The following PAX7 variants were observed in gnomAD, a reference collection of about 807,000 sequenced individuals.
The protein encoded by PAX7 is paired box 7.
PAX7 carries 18 observed loss-of-function variants against 50.7 expected under a neutral mutation model. That is an observed-to-expected ratio of 0.36 (90% CI 0.25 to 0.53). PAX7 has a LOEUF of 0.53. Among genes scored for constraint, PAX7 ranks in the 20% least tolerant of loss-of-function variants. The pLI is 0.93. For missense variants in PAX7, 644 were observed against 702.9 expected (o/e 0.92, Z 0.95); for synonymous variants, 310 against 290.4 (o/e 1.07, Z -0.69).
intron 5 of PAX7, among the ~76,000 whole-genome samples, chr1:18,699,565 T>A (rs528940983): frequency 0.012 from 885 of 73,720 alleles, 6 homozygotes; most frequent in South Asian, 0.038. Flanking sequence ...GCCAGACTGA[T>A]TTTTTTTTTT....
At chr1:18,743,529 A>G (rs1384222641) in intron 8 of PAX7, among the ~76,000 whole-genome samples, 1 of 152,182 alleles carries the variant, frequency 6.6e-6, no homozygotes, top group Non-Finnish European at 1.5e-5. Flanking sequence ...GCAATTCTTA[A>G]CACAGTGTTC....
At chr1:18,640,861 C>A (rs541408869) in intron 4 of PAX7, among the ~76,000 whole-genome samples, 5 of 134,176 alleles carry the variant, frequency 3.7e-5, no homozygotes, top group Non-Finnish European at 6.3e-5. Flanking sequence ...GGGGATGGGG[C>A]GAGCGGAGAG....
At position 18,636,298 on chromosome 1, in the gene PAX7, T is replaced by G. The variant is rs760219379; in HGVS notation, c.513T>G (p.Asp171Glu). The G allele has an allele frequency of 1.2e-6, 2 of 1,614,186 alleles. No individual in the cohort carries two copies. The highest frequency in any genetic ancestry group is 2.2e-5 in the East Asian group (1 of 44,880). The change falls in exon 4 of 9, where the codon GAT becomes GAG. Residue 171 changes from aspartate to glutamate, a missense_variant. Asp to Glu is a conservative substitution (Grantham distance 45). Coordinates refer to ENST00000420770, the MANE Select transcript of PAX7 (RefSeq NM_001135254.2). This position sits in a 1 kb window ranked among gnomAD's most constrained non-coding sequence, Gnocchi z 5.1. The stretch of plus-strand genomic sequence containing the variant: ...AGTTCGGGAAGAAAGAGGAGGAGGA[T>G]GAAGCGGACAAGAAGGAGGACGACG... ...RIKFGKKEEE[D>E]EADKKEDDGE...
At chr1:18,656,715 C>T (rs530569758) in intron 4 of PAX7, among the ~76,000 whole-genome samples, 38 of 151,910 alleles carry the variant, frequency 2.5e-4, no homozygotes, top group Non-Finnish European at 4.1e-4. Context: ...GATAATGAGG[C>T]GAGACGTGGT....
In PAX7 at chr1:18,631,372, C is replaced by T; in HGVS notation, c.-232C>T. On this transcript the variant is annotated 5_prime_UTR_variant, in exon 1 of 9. Coordinates refer to ENST00000420770, the MANE Select transcript of PAX7 (RefSeq NM_001135254.2). ...GTTTGAACTTCCTCGTCGTCGCCAC[C>T]TTCCCTCCCCCCAACCTCCACCCCA... The T allele has an allele frequency of 3.7e-6, 2 of 535,686 alleles. No homozygotes were observed. Among genetic ancestry groups the T allele is most frequent in the South Asian group, 2.5e-5 (1 of 39,598 alleles). The allele number at this position is 535,686 out of a possible 1,614,324, so 33.2% of individuals were successfully genotyped here.
At chr1:18,652,562 C>T (rs931366713) in intron 4 of PAX7, among the ~76,000 whole-genome samples, 2 of 152,164 alleles carry the variant, frequency 1.3e-5, no homozygotes, top group Non-Finnish European at 1.5e-5. Context: ...GATATTTGAC[C>T]TGAAACCTGG....
At chr1:18,703,821 G>C (rs1003489728) in intron 7 of PAX7, among the ~76,000 whole-genome samples, 3 of 152,198 alleles carry the variant, frequency 2.0e-5, no homozygotes, top group Admixed American at 1.3e-4. Flanking sequence ...AGTGCCCCCT[G>C]CCACATGTCT....
At chr1:18,679,477 G>A (rs930618199) in intron 4 of PAX7, among the ~76,000 whole-genome samples, 4 of 152,168 alleles carry the variant, frequency 2.6e-5, no homozygotes, top group African/African-American at 7.2e-5. Flanking sequence ...AGCTTCATCT[G>A]GCCACTGGAG....
At chr1:18,705,019 G>A (rs1033721810) in intron 7 of PAX7, among the ~76,000 whole-genome samples, 1 of 152,210 alleles carries the variant, frequency 6.6e-6, no homozygotes, top group Admixed American at 6.5e-5. Flanking sequence ...GCAGCTGCCT[G>A]CGGAGCTCCT....
At chr1:18,716,495 T>C (rs2089421390) in intron 7 of PAX7, among the ~76,000 whole-genome samples, 1 of 53,384 alleles carries the variant, frequency 1.9e-5, no homozygotes, top group African/African-American at 6.4e-5. Context: ...CGTCTGTTTG[T>C]TGTTTTTTGT....
chr1:18,670,668 G>A (rs1037196729), intron 4 of PAX7, among the ~76,000 whole-genome samples: 4 of 152,178 alleles, frequency 2.6e-5, no homozygotes, highest in African/African-American at 7.2e-5. Flanking sequence ...CGTCACACCA[G>A]AAGCCTTGCT....
At chr1:18,640,307 G>A (rs2088231143) in intron 4 of PAX7, among the ~76,000 whole-genome samples, 2 of 152,252 alleles carry the variant, frequency 1.3e-5, no homozygotes, top group East Asian at 3.9e-4. Flanking sequence ...TTGCTACACT[G>A]GAGGAAGCTG....
In PAX7 at chr1:18,735,185, G is replaced by A. The variant is rs2089695012; in HGVS notation, c.1156-447G>A. Among the ~76,000 whole-genome samples the A allele has an allele frequency of 6.6e-6, 1 of 152,216 alleles. No homozygotes were observed. On this transcript the variant is annotated intron_variant, in intron 7 of 8. Coordinates refer to ENST00000420770, the MANE Select transcript of PAX7 (RefSeq NM_001135254.2). This position sits in a 1 kb window ranked among gnomAD's most constrained non-coding sequence, Gnocchi z 4.0. ...GATCAAGAGTCCTGCTGTAATGTTT[G>A]TGTTAGAAGATGGGGCCATCCCAGT... is the stretch of plus-strand genomic sequence containing the variant.
At chr1:18,701,780 C>T (rs940064925) in intron 6 of PAX7, among the ~76,000 whole-genome samples, 14 of 152,248 alleles carry the variant, frequency 9.2e-5, no homozygotes, top group African/African-American at 3.4e-4. Context: ...TCACTTGAGC[C>T]CAGTTCTCCC....
At chr1:18,692,160 A>T (rs1267084520) in intron 5 of PAX7, among the ~76,000 whole-genome samples, 1 of 151,994 alleles carries the variant, frequency 6.6e-6, no homozygotes, top group Non-Finnish European at 1.5e-5. Flanking sequence ...CAGCCCAAGG[A>T]GGAGGGAAGA....
At chr1:18,732,095 AG>A (rs1259021253) in intron 7 of PAX7, among the ~76,000 whole-genome samples, 15 of 152,272 alleles carry the variant, frequency 9.9e-5, no homozygotes, top group Middle Eastern at 3.4e-3. Context: ...TCGTCTTCTC[AG>A]GGCTGTTCTT....
chr1:18,706,507 G>A (rs1304553636), intron 7 of PAX7, among the ~76,000 whole-genome samples: 2 of 143,782 alleles, frequency 1.4e-5, no homozygotes, highest in Non-Finnish European at 3.0e-5. Context: ...TGTTGCCCAG[G>A]CTGGAGTGCA....
chr1:18,668,492 G>A (rs574161557), intron 4 of PAX7, among the ~76,000 whole-genome samples: 1 of 152,288 alleles, frequency 6.6e-6, no homozygotes, highest in African/African-American at 2.4e-5. Flanking sequence ...CTTGAGGTTA[G>A]GAGTTAGAGA....
chr1:18,683,598 G>A (rs192261127), intron 4 of PAX7, among the ~76,000 whole-genome samples: 32 of 152,334 alleles, frequency 2.1e-4, no homozygotes, highest in African/African-American at 7.0e-4. Flanking sequence ...CCAGCACTGT[G>A]GGAGGCTGAG....
Sources: allele counts gnomAD v4.1 joint callset (sites outside exome capture counted in the v4.1 genomes callset), GRCh38; gene constraint gnomAD v4.1.1; non-coding constraint Gnocchi (gnomAD v3.1); transcripts MANE v1.5; gene names NCBI Gene and HGNC (gene_info 2026-07-23, HGNC 2026-07-21).